The following UBXN7 variants were observed in gnomAD, a reference collection of about 807,000 sequenced individuals.
UBXN7 encodes UBX domain protein 7, also known as UBX domain-containing protein 7.
Under a neutral mutation model 58.0 loss-of-function variants are expected in UBXN7, and 9 were observed. The ratio of observed to expected loss-of-function variants is 0.16; its 90% CI spans 0.09 to 0.27. The LOEUF is 0.27. Among genes scored for constraint, UBXN7 ranks in the 10% least tolerant of loss-of-function variants. The probability of loss-of-function intolerance (pLI) is 1.00; values close to 1 mark genes in which losing one functional copy is unlikely to be tolerated. For synonymous variants in UBXN7, 208 were observed against 205.0 expected, an observed-to-expected ratio of 1.01 and a Z score of -0.12; for missense variants, 328 against 599.6, an observed-to-expected ratio of 0.55 and a Z score of 4.73.
At chr3:196,384,786 T>C (rs930327112) in intron 5 of UBXN7, among the ~76,000 whole-genome samples, 3 of 152,292 alleles carry the variant, frequency 2.0e-5, no homozygotes, top group South Asian at 4.1e-4. Flanking sequence ...AACTAGGTAT[T>C]GATGGAACGT....
intron 5 of UBXN7, among the ~76,000 whole-genome samples, chr3:196,388,641 A>C (rs966111652): frequency 1.3e-5 from 2 of 152,150 alleles, no homozygotes; most frequent in African/African-American, 4.8e-5. Flanking sequence ...CTTGAACATG[A>C]CCTACCTCTA....
At position 196,352,534 on chromosome 3, in the gene UBXN7, C is replaced by T. The variant is rs1214351752; in HGVS notation, c.*4151G>A. The stretch of plus-strand genomic sequence containing the variant: ...ATATTGGGATTACAGGCATGAGCCA[C>T]CACACCTGGCCAGGAATTAGATCTC... On this transcript the variant is annotated 3_prime_UTR_variant, in exon 11 of 11. Coordinates refer to ENST00000296328, the MANE Select transcript of UBXN7 (RefSeq NM_015562.2). The surrounding 1 kb of genome is among the most constrained non-coding windows in gnomAD (Gnocchi z 4.1). The T allele has an allele frequency of 6.6e-6, 1 of 152,096 alleles. No homozygotes were observed. The highest frequency in any genetic ancestry group is 1.5e-5 in the Non-Finnish European group (1 of 68,024). The allele number at this position is 152,096 out of a possible 1,614,324, so 9.4% of individuals were successfully genotyped here. A position where few individuals can be genotyped will look rare whatever the true frequency, so the allele number is the denominator to read the frequency against.
At chr3:196,374,910 AGG>A (rs1235557497) in intron 5 of UBXN7, among the ~76,000 whole-genome samples, 14 of 1,312 alleles carry the variant, frequency 0.011, no homozygotes, top group Non-Finnish European at 0.015. Context: ...GGGGAGGGGG[AGG>A]GGGAGGGGGA....
In UBXN7 at chr3:196,417,307, A is replaced by G. The variant is rs182176692; in HGVS notation, c.74-9914T>C. Among the ~76,000 whole-genome samples the G allele has an allele frequency of 1.3e-3, 204 of 152,292 alleles. 2 individuals carry two copies. Among genetic ancestry groups the G allele is most frequent in the Admixed American group, 4.7e-3 (72 of 15,288 alleles). On this transcript the variant is annotated intron_variant, in intron 1 of 10. Coordinates refer to ENST00000296328, the MANE Select transcript of UBXN7 (RefSeq NM_015562.2). ...AGCCTGGGAGACAGAGCGAGACTCC[A>G]TCTCGAAAACTAAATAAATAAATCA... is the stretch of plus-strand genomic sequence containing the variant.
At chr3:196,400,105 G>C (rs547153450) in intron 3 of UBXN7, 4 of 151,948 alleles carry the variant, frequency 2.6e-5, no homozygotes, top group African/African-American at 9.7e-5. Flanking sequence ...ACTGGCCCAG[G>C]TTGGAAACAG....
chr3:196,391,655 G>A (rs911357029), intron 5 of UBXN7, among the ~76,000 whole-genome samples, 158 bp downstream of exon 5: 10 of 152,068 alleles, frequency 6.6e-5, no homozygotes, highest in Admixed American at 1.3e-4. Flanking sequence ...GATCCCTTGA[G>A]CCCAAGAGTT....
At chr3:196,393,663 T>C in intron 3 of UBXN7, 44 bp from the exon 4 acceptor site, 1 of 1,559,008 alleles carries the variant, frequency 6.4e-7, no homozygotes, top group East Asian at 2.3e-5. Flanking sequence ...TAAATTAATT[T>C]TGAAACAATT....
chr3:196,396,340 C>T (rs1358552075), intron 3 of UBXN7, among the ~76,000 whole-genome samples: 1 of 150,350 alleles, frequency 6.7e-6, no homozygotes, highest in Non-Finnish European at 1.5e-5. Flanking sequence ...GTGAGAGGAT[C>T]GCTTGAGCCA....
At chr3:196,384,891 A>T (rs977002377) in intron 5 of UBXN7, among the ~76,000 whole-genome samples, 1 of 152,204 alleles carries the variant, frequency 6.6e-6, no homozygotes, top group Non-Finnish European at 1.5e-5. Context: ...AAACCGGCAC[A>T]AGACAAGGAT....
At chr3:196,428,429 G>C (rs1730917305) in intron 1 of UBXN7, among the ~76,000 whole-genome samples, 1 of 145,698 alleles carries the variant, frequency 6.9e-6, no homozygotes, top group Non-Finnish European at 1.5e-5. Context: ...CTCCAGCCTG[G>C]GTGACAGAAC....
At chr3:196,403,123 A>G in intron 2 of UBXN7, 104 bp from the exon 3 acceptor site, 1 of 1,172,560 alleles carries the variant, frequency 8.5e-7, no homozygotes. Flanking sequence ...AGTGACTTTT[A>G]GAAGCACAGT....
At chr3:196,413,726 C>A (rs79570198) in intron 1 of UBXN7, among the ~76,000 whole-genome samples, 1 of 152,112 alleles carries the variant, frequency 6.6e-6, no homozygotes, top group Non-Finnish European at 1.5e-5. Context: ...CACCTCATGG[C>A]CCCCTTTGAT....
At chr3:196,398,484 TAATGGTTTCATTACA>T (rs1729845992) in intron 3 of UBXN7, among the ~76,000 whole-genome samples, 1 of 152,200 alleles carries the variant, frequency 6.6e-6, no homozygotes. Context: ...TTTCAAATAT[TAATGGTTTCATTACA>T]CAGTATTTTA....
At chr3:196,413,111 T>A (rs2108619626) in intron 1 of UBXN7, among the ~76,000 whole-genome samples, 1 of 152,226 alleles carries the variant, frequency 6.6e-6, no homozygotes. Context: ...GAGGCCGACG[T>A]GGGCGGATCA....
At chr3:196,388,355 A>C in intron 5 of UBXN7, among the ~76,000 whole-genome samples, 1 of 151,666 alleles carries the variant, frequency 6.6e-6, no homozygotes, top group Non-Finnish European at 1.5e-5. Flanking sequence ...AATGTAAATG[A>C]GTTGATGGGT....
intron 3 of UBXN7, among the ~76,000 whole-genome samples, chr3:196,399,505 T>G (rs956420925): frequency 6.6e-6 from 1 of 152,194 alleles, no homozygotes; most frequent in African/African-American, 2.4e-5. Flanking sequence ...GGCATGATCA[T>G]AGTTCACTGC....
At chr3:196,405,875 A>G (rs569436914) in intron 2 of UBXN7, among the ~76,000 whole-genome samples, 46 of 152,360 alleles carry the variant, frequency 3.0e-4, no homozygotes, top group Non-Finnish European at 5.0e-4. Context: ...ATATAGGGCA[A>G]TTCATTAGGA....
intron 5 of UBXN7, among the ~76,000 whole-genome samples, chr3:196,383,829 T>C (rs1729290774): frequency 6.6e-6 from 1 of 152,150 alleles, no homozygotes; most frequent in South Asian, 2.1e-4. Context: ...TAGCACTAAA[T>C]GCCCACAAGA....
intron 1 of UBXN7, among the ~76,000 whole-genome samples, chr3:196,417,944 T>C (rs1730554147): frequency 6.7e-6 from 1 of 149,688 alleles, no homozygotes; most frequent in African/African-American, 2.5e-5. Context: ...GAAAAGAAAA[T>C]TCACATTAAA....
Sources: gnomAD v4.1 joint callset for allele counts (sites outside exome capture counted in the v4.1 genomes callset) on GRCh38, gnomAD v4.1.1 for gene constraint, Gnocchi (gnomAD v3.1) non-coding constraint, MANE v1.5 for transcripts, NCBI Gene and HGNC (gene_info 2026-07-23, HGNC 2026-07-21) for gene names.